KIAA1217: variants seen among roughly 807,000 people sequenced by gnomAD.
The protein encoded by KIAA1217 is KIAA1217, also known as sickle tail protein homolog.
In KIAA1217, 88 loss-of-function variants were observed where a neutral mutation model predicts 163.9. The ratio of observed to expected loss-of-function variants is 0.54; its 90% CI spans 0.45 to 0.64. The LOEUF (loss-of-function observed/expected upper bound fraction) is 0.64. Among genes scored for constraint, KIAA1217 ranks in the 30% least tolerant of loss-of-function variants. The pLI, the probability that KIAA1217 is intolerant of heterozygous loss-of-function variation, is 0.00. For missense variants in KIAA1217, 2,372 were observed against 2,475.0 expected, an observed-to-expected ratio of 0.96 and a Z score of 0.88; for synonymous variants, 903 against 923.1, an observed-to-expected ratio of 0.98 and a Z score of 0.39.
intron 1 of KIAA1217, among the ~76,000 whole-genome samples, chr10:23,900,106 A>G (rs1383568990): frequency 6.6e-6 from 1 of 151,710 alleles, no homozygotes; most frequent in Non-Finnish European, 1.5e-5. Flanking sequence ...CATGAGTTCA[A>G]GTGATTTTCC....
intron 12 of KIAA1217, 105 bp from the exon 13 acceptor site, chr10:24,524,218 T>G: frequency 8.3e-7 from 1 of 1,198,682 alleles, no homozygotes; most frequent in Non-Finnish European, 1.2e-6. Context: ...CTCTGAGCTT[T>G]GGGATGTGTG....
intron 2 of KIAA1217, among the ~76,000 whole-genome samples, chr10:24,019,401 A>G (rs1245086701): frequency 1.3e-5 from 2 of 151,868 alleles, no homozygotes; most frequent in Non-Finnish European, 2.9e-5. Context: ...GAATGCAAAA[A>G]AAATTTAAAA....
chr10:23,957,289 CCAA>C (rs1844610476), intron 1 of KIAA1217, among the ~76,000 whole-genome samples: 1 of 152,214 alleles, frequency 6.6e-6, no homozygotes, highest in Non-Finnish European at 1.5e-5. Context: ...GTCGTTTCCT[CCAA>C]CAAGCCCTGT....
chr10:24,065,944 A>T (rs1453766843), intron 2 of KIAA1217, among the ~76,000 whole-genome samples: 1 of 152,100 alleles, frequency 6.6e-6, no homozygotes, highest in Non-Finnish European at 1.5e-5. Context: ...AGTCTGTTTT[A>T]TCAGAGACTA....
chr10:23,969,225 G>C (rs971715212), intron 1 of KIAA1217, among the ~76,000 whole-genome samples: 1 of 152,056 alleles, frequency 6.6e-6, no homozygotes, highest in Non-Finnish European at 1.5e-5. Flanking sequence ...TAGTAGAGAC[G>C]GGGTTTCACC....
intron 1 of KIAA1217, among the ~76,000 whole-genome samples, chr10:24,210,679 A>G (rs1338124237): frequency 3.3e-5 from 5 of 152,160 alleles, no homozygotes; most frequent in Admixed American, 3.3e-4. Context: ...TAATTCATTC[A>G]TTCAGTGAAT....
intron 8 of KIAA1217, among the ~76,000 whole-genome samples, chr10:24,499,448 C>T (rs968595207): frequency 3.3e-5 from 5 of 152,118 alleles, no homozygotes; most frequent in East Asian, 1.9e-4. Context: ...AGAAACATAA[C>T]GTGGCTGGGC....
chr10:24,473,743 A>T lies in KIAA1217; in HGVS notation c.1362A>T (p.Lys454Asn). The T allele has an allele frequency of 6.2e-7, 1 of 1,614,100 alleles. No individual in the cohort carries two copies. Among genetic ancestry groups the T allele is most frequent in the South Asian group, 1.1e-5 (1 of 91,080 alleles). ...TGGAACAATCACTGTACAGACAGAA[A>T]TCAAGGAAATATCCGGATAGCCATT... Reference protein sequence around the residue: ...MHMEQSLYRQKSRKYPDSHLP... With the variant: ...MHMEQSLYRQNSRKYPDSHLP... Residue 454 changes from lysine (K) to asparagine (N), a missense_variant, in exon 6 of 21, where the codon AAA (lysine) becomes AAT (asparagine). Transcript: ENST00000376454.
At chr10:24,495,757 A>C (rs889479327) in intron 8 of KIAA1217, among the ~76,000 whole-genome samples, 6 of 152,364 alleles carry the variant, frequency 3.9e-5, no homozygotes, top group Admixed American at 2.6e-4. Flanking sequence ...GGGATGGATG[A>C]GAAGGGACAG....
At chr10:24,346,349 G>A (rs2047763948) in intron 2 of KIAA1217, among the ~76,000 whole-genome samples, 1 of 151,752 alleles carries the variant, frequency 6.6e-6, no homozygotes, top group Non-Finnish European at 1.5e-5. Context: ...GCGGGCACCT[G>A]CAGTCCCAGC....
At chr10:24,296,972 C>G (rs1284174588) in intron 2 of KIAA1217, among the ~76,000 whole-genome samples, 1 of 152,136 alleles carries the variant, frequency 6.6e-6, no homozygotes, top group Non-Finnish European at 1.5e-5. Context: ...CTGAGTATTC[C>G]AACTCTCACT....
At chr10:24,389,019 T>C (rs1012917285) in intron 3 of KIAA1217, among the ~76,000 whole-genome samples, 20 of 152,036 alleles carry the variant, frequency 1.3e-4, no homozygotes, top group Non-Finnish European at 2.2e-4. Context: ...GATCTAGAAC[T>C]AGAAATAGCA....
intron 3 of KIAA1217, among the ~76,000 whole-genome samples, chr10:24,415,274 C>T (rs1241596757): frequency 2.6e-5 from 4 of 152,016 alleles, no homozygotes; most frequent in Non-Finnish European, 1.5e-5. Flanking sequence ...GCCACCATGC[C>T]CGGTTAATTT....
upstream of KIAA1217, chr10:24,208,882 CGCATCG>C: frequency 3.5e-6 from 1 of 288,518 alleles, no homozygotes. Flanking sequence ...CCCACACCCC[CGCATCG>C]CCCTGCCCTG....
intron 1 of KIAA1217, among the ~76,000 whole-genome samples, chr10:23,871,870 C>T (rs946197871): frequency 1.3e-5 from 2 of 152,132 alleles, no homozygotes; most frequent in Admixed American, 1.3e-4. Context: ...TTTCAAATTT[C>T]CCATTAAAAA....
chr10:24,036,995 C>T lies in KIAA1217; in HGVS notation c.-171+29621C>T, dbSNP rs1446777864. ...GTTCCAGAGGTGCTGACAGTGAAAT[C>T]GTGAGACTCAGGGAGGAGATCCGTA... is the stretch of plus-strand genomic sequence containing the variant. On this transcript the variant is annotated intron_variant, in intron 2 of 18. Transcript: ENST00000376462. Among the ~76,000 whole-genome samples the T allele has an allele frequency of 2.0e-5, 3 of 152,142 alleles. 1 individual carries two copies. Among genetic ancestry groups the T allele is most frequent in the Admixed American group, 2.0e-4 (3 of 15,284 alleles).
intron 2 of KIAA1217, among the ~76,000 whole-genome samples, chr10:24,074,475 A>T (rs1180938315): frequency 6.6e-6 from 1 of 152,094 alleles, no homozygotes; most frequent in African/African-American, 2.4e-5. Flanking sequence ...TTCCTCTCTG[A>T]TTCTTTCCCT....
intron 9 of KIAA1217, among the ~76,000 whole-genome samples, chr10:24,511,711 T>C (rs12252035): frequency 6.6e-6 from 1 of 151,954 alleles, no homozygotes; most frequent in African/African-American, 2.4e-5. Context: ...TGGCTTTTAA[T>C]ACCACAATAA....
intron 1 of KIAA1217, among the ~76,000 whole-genome samples, chr10:23,987,380 A>AG (rs1846020815): frequency 6.7e-6 from 1 of 148,776 alleles, no homozygotes; most frequent in Middle Eastern, 3.6e-3. Flanking sequence ...CCATCTCAAA[A>AG]AAAAAAAAAA....
Sources: gnomAD v4.1 joint callset for allele counts (sites outside exome capture counted in the v4.1 genomes callset) on GRCh38, gnomAD v4.1.1 for gene constraint, MANE v1.5 for transcripts, NCBI Gene and HGNC (gene_info 2026-07-23, HGNC 2026-07-21) for gene names.